DOCK10: variants seen among roughly 807,000 people sequenced by gnomAD.
DOCK10 encodes dedicator of cytokinesis 10, also known as dedicator of cytokinesis protein 10.
Under a neutral mutation model 280.1 loss-of-function variants are expected in DOCK10, and 145 were observed. That is an observed-to-expected ratio of 0.52 (90% CI 0.45 to 0.59). The LOEUF (loss-of-function observed/expected upper bound fraction) is 0.59, where lower values mean the gene tolerates loss of function less well. DOCK10 is among the 20% of genes least tolerant of loss of function. DOCK10 has a pLI of 0.00. For synonymous variants in DOCK10, 915 were observed against 942.2 expected, an observed-to-expected ratio of 0.97 and a Z score of 0.53; for missense variants, 2,368 against 2,651.7, an observed-to-expected ratio of 0.89 and a Z score of 2.35.
intron 7 of DOCK10, among the ~76,000 whole-genome samples, chr2:224,878,754 T>C (rs1359177067): frequency 6.6e-6 from 1 of 152,260 alleles, no homozygotes; most frequent in East Asian, 1.9e-4. Context: ...CTCCTGTCCA[T>C]ACTTTTGTAT....
intron 1 of DOCK10, among the ~76,000 whole-genome samples, chr2:224,953,139 G>A (rs1703857946): frequency 6.6e-6 from 1 of 152,190 alleles, no homozygotes; most frequent in South Asian, 2.1e-4. Flanking sequence ...CCTAAATTGA[G>A]CAATTGGTAA....
intron 1 of DOCK10, among the ~76,000 whole-genome samples, chr2:225,012,008 A>T (rs139093406): frequency 2.1e-4 from 32 of 152,302 alleles, no homozygotes; most frequent in South Asian, 1.0e-3. Context: ...AGAGAGTAGG[A>T]CTTGAAAATG....
At chr2:224,890,097 A>C (rs1320472766) in intron 4 of DOCK10, among the ~76,000 whole-genome samples, 1 of 152,258 alleles carries the variant, frequency 6.6e-6, no homozygotes, top group Non-Finnish European at 1.5e-5. Flanking sequence ...GTGGAATGTC[A>C]ACATTTGGCC....
At chr2:224,898,310 C>G (rs1248916300) in intron 3 of DOCK10, among the ~76,000 whole-genome samples, 1 of 152,172 alleles carries the variant, frequency 6.6e-6, no homozygotes, top group East Asian at 1.9e-4. Context: ...CATACACAAA[C>G]TGGGGACTGA....
In DOCK10 at chr2:224,814,327, A is replaced by G. The variant is rs1693981355; in HGVS notation, c.3402T>C (p.His1134=). ...LTPSESTQEL[H]ASDMPEYSVT... The stretch of plus-strand genomic sequence containing the variant: ...TAAGGTAATATCACTTACCTGATGC[A>G]TGTAACTCTTGAGTCGATTCTGAAG... Residue 1134 remains histidine, a synonymous_variant, in exon 31 of 56, where the codon CAT becomes CAC. Transcript: ENST00000258390. The G allele has an allele frequency of 1.3e-6, 2 of 1,533,552 alleles. No homozygotes were observed. The highest frequency in any genetic ancestry group is 2.8e-5 in the African/African-American group (2 of 72,240). 95.0% of individuals were successfully genotyped at this position (1,533,552 alleles called of 1,614,324 possible).
chr2:224,874,364 G>T lies in DOCK10; in HGVS notation c.1018-15C>A. 1 of 1,595,254 alleles carries T rather than the reference G, an allele frequency of 6.3e-7. No individual in the cohort carries two copies. The highest frequency in any genetic ancestry group is 8.6e-7 in the Non-Finnish European group (1 of 1,166,728). On this transcript the variant is annotated splice_polypyrimidine_tract_variant and intron_variant, in intron 9 of 55. Transcript: ENST00000258390. ...TCTGTGAGGTACTACAGAGAAAATT[G>T]TGTTAGTCCTTGGTATCTAAATATC...
chr2:224,862,908 G>A (rs1574955842), intron 13 of DOCK10, among the ~76,000 whole-genome samples, 162 bp from the exon 14 acceptor site: 1 of 152,288 alleles, frequency 6.6e-6, no homozygotes, highest in Non-Finnish European at 1.5e-5. Context: ...GGTGTCCTAT[G>A]TGTTCAAACT....
intron 1 of DOCK10, among the ~76,000 whole-genome samples, chr2:225,035,013 A>C (rs1346512531): frequency 5.3e-5 from 8 of 152,190 alleles, no homozygotes; most frequent in Admixed American, 5.2e-4. Context: ...GAACTCTGGG[A>C]CAAAGAAGTG....
chr2:224,805,925 T>C lies in DOCK10; in HGVS notation c.3814+201A>G, dbSNP rs1693367587. Among the ~76,000 whole-genome samples, 1 of 152,132 alleles carries C rather than the reference T, an allele frequency of 6.6e-6. No individual in the cohort carries two copies. Among genetic ancestry groups the C allele is most frequent in the Non-Finnish European group, 1.5e-5 (1 of 68,002 alleles). On this transcript the variant is annotated intron_variant, in intron 34 of 55. Transcript: ENST00000258390. This position sits in a 1 kb window ranked among gnomAD's most constrained non-coding sequence, Gnocchi z 4.3. ...GTAGGCTGCTCCTTAAGCCAAGTAA[T>C]ACTGAACACTAAGTAGAAGAGGAAG...
chr2:224,849,033 T>C (rs918324159), intron 19 of DOCK10, among the ~76,000 whole-genome samples: 1 of 152,146 alleles, frequency 6.6e-6, no homozygotes, highest in Admixed American at 6.5e-5. Flanking sequence ...GTGCAGTGAG[T>C]GGCATGATCT....
intron 1 of DOCK10, among the ~76,000 whole-genome samples, chr2:224,972,605 A>T (rs1443777326): frequency 6.6e-6 from 1 of 152,242 alleles, no homozygotes; most frequent in East Asian, 1.9e-4. Flanking sequence ...TCTATTCTCC[A>T]TCTCTAAATT....
intron 11 of DOCK10, among the ~76,000 whole-genome samples, chr2:224,867,434 T>C (rs1377721647): frequency 1.3e-5 from 2 of 152,226 alleles, no homozygotes; most frequent in Non-Finnish European, 2.9e-5. Flanking sequence ...TTCATGGCTT[T>C]CTCTCCCCAT....
intron 2 of DOCK10, among the ~76,000 whole-genome samples, chr2:224,917,595 AC>A (rs1701410782): frequency 6.6e-6 from 1 of 151,820 alleles, no homozygotes; most frequent in Admixed American, 6.6e-5. Context: ...GTAAATCTGA[AC>A]CTTGAAAAAA....
intron 2 of DOCK10, among the ~76,000 whole-genome samples, chr2:224,917,819 A>T (rs1233504475): frequency 1.3e-5 from 2 of 152,198 alleles, no homozygotes; most frequent in African/African-American, 4.8e-5. Flanking sequence ...GCCCTAAAAC[A>T]GCAAGTTTCC....
chr2:224,888,218 C>CGTGTGT (rs1157465599), intron 4 of DOCK10, among the ~76,000 whole-genome samples: 27 of 140,352 alleles, frequency 1.9e-4, no homozygotes, highest in African/African-American at 3.2e-4. Flanking sequence ...TTAATATAGG[C>CGTGTGT]CTGTGTGTGT....
chr2:224,792,731 T>A (rs1692285632), intron 47 of DOCK10, among the ~76,000 whole-genome samples: 1 of 152,254 alleles, frequency 6.6e-6, no homozygotes, highest in Admixed American at 6.5e-5. Context: ...CTGTAACTCA[T>A]AAACTTGAAT....
At chr2:225,035,570 A>ATTATATATATATATATATATATAT (rs368666534) in intron 1 of DOCK10, among the ~76,000 whole-genome samples, 2 of 58,232 alleles carry the variant, frequency 3.4e-5, no homozygotes, top group Non-Finnish European at 8.1e-5. Flanking sequence ...ATATATATAT[A>ATTATATATATATATATATATATAT]TATATATATA....
chr2:224,863,852 A>T (rs1194688290), intron 13 of DOCK10, among the ~76,000 whole-genome samples: 6 of 152,240 alleles, frequency 3.9e-5, no homozygotes, highest in African/African-American at 1.4e-4. Flanking sequence ...CACCATTCAA[A>T]GCACAGCATT....
rs75447112 is a variant in DOCK10 at position 225,013,394 on chromosome 2, C to T, written c.123+28858G>A. 1.4e-3 allele frequency among the ~76,000 whole-genome samples: 219 copies of T among 152,242 alleles called. 5 individuals are homozygous for T. The East Asian group carries it at 0.032, about 23-fold the overall frequency. ...GTTAAGTGTGCAGCTGTGAAATGTA[C>T]GTCAAGGTTCACAGTATCCGAAAGT... On this transcript the variant is annotated intron_variant, in intron 1 of 55. Transcript: ENST00000258390.
Sources: allele counts gnomAD v4.1 joint callset (sites outside exome capture counted in the v4.1 genomes callset), GRCh38; gene constraint gnomAD v4.1.1; non-coding constraint Gnocchi (gnomAD v3.1); transcripts MANE v1.5; gene names NCBI Gene and HGNC (gene_info 2026-07-23, HGNC 2026-07-21).